BMPR2: variants seen among roughly 807,000 people sequenced by gnomAD.
BMPR2 encodes bone morphogenetic protein receptor type-2.
A neutral mutation model predicts 100.8 loss-of-function variants in BMPR2; 29 were observed. That is an observed-to-expected ratio of 0.29 (90% CI 0.21 to 0.39). The LOEUF (loss-of-function observed/expected upper bound fraction) is 0.39. Ranked by LOEUF, BMPR2 falls within the 10% of genes least tolerant of loss-of-function variation. The pLI, the probability that BMPR2 is intolerant of heterozygous loss-of-function variation, is 1.00. For synonymous variants in BMPR2, 382 were observed against 442.3 expected (o/e 0.86, Z 1.71); for missense variants, 1,011 against 1,274.5 (o/e 0.79, Z 3.15).
intron 1 of BMPR2, among the ~76,000 whole-genome samples, chr2:202,440,372 C>T (rs1033605442): frequency 9.5e-5 from 14 of 147,768 alleles, no homozygotes; most frequent in Admixed American, 2.7e-4. Context: ...CCAGACGGGG[C>T]GGCGGGGCAG....
chr2:202,478,662 A>G (rs936900835), intron 3 of BMPR2, among the ~76,000 whole-genome samples: 1 of 152,202 alleles, frequency 6.6e-6, no homozygotes, highest in African/African-American at 2.4e-5. Context: ...TAATCCCAGC[A>G]TTTTGAGAGC....
At chr2:202,558,105 G>A (rs1019999662) in intron 12 of BMPR2, among the ~76,000 whole-genome samples, 4 of 151,960 alleles carry the variant, frequency 2.6e-5, no homozygotes, top group Non-Finnish European at 5.9e-5. Context: ...GGTCACTTGA[G>A]GCCAGGAGTT....
intron 1 of BMPR2, among the ~76,000 whole-genome samples, chr2:202,453,504 T>G (rs1248602071): frequency 6.6e-6 from 1 of 152,190 alleles, no homozygotes; most frequent in African/African-American, 2.4e-5. Flanking sequence ...ATTCTGTTAT[T>G]TGCAACAACA....
chr2:202,392,110 CCCCA>C (rs1690562832), intron 1 of BMPR2, among the ~76,000 whole-genome samples: 1 of 150,878 alleles, frequency 6.6e-6, no homozygotes, highest in Non-Finnish European at 1.5e-5. Context: ...CGCTCTCGTC[CCCCA>C]GGCTTGAGTA....
intron 9 of BMPR2, among the ~76,000 whole-genome samples, chr2:202,541,811 A>ATTCAT (rs1440418157): frequency 6.6e-6 from 1 of 152,218 alleles, no homozygotes; most frequent in Admixed American, 6.5e-5. Flanking sequence ...TAAGCAAAAC[A>ATTCAT]TTCATTAATA....
rs56708616 is a variant in BMPR2 at position 202,393,882 on chromosome 2, C to CGAGAGAGAGAGAGAGAGAGAGAGA, written c.76+16361_76+16384dup. On this transcript the variant is annotated intron_variant, in intron 1 of 12. Transcript: ENST00000374580. ...GCATCTAATTAAGGTAATGAGAGAG[C>CGAGAGAGAGAGAGAGAGAGAGAGA]GAGAGAGAGAGAGAGAGAGAGAGAG... is the stretch of plus-strand genomic sequence containing the variant. Among the ~76,000 whole-genome samples, 18 of 97,928 alleles carry CGAGAGAGAGAGAGAGAGAGAGAGA rather than the reference C, an allele frequency of 1.8e-4. 1 individual carries two copies. Among genetic ancestry groups the CGAGAGAGAGAGAGAGAGAGAGAGA allele is most frequent in the East Asian group, 4.3e-4 (1 of 2,318 alleles). 64.2% of individuals were successfully genotyped at this position (97,928 alleles called of 152,430 possible).
rs375624016 is a variant in BMPR2, at chr2:202,376,511, AGGCGGCGGC to A, written c.-936_-928del. The stretch of plus-strand genomic sequence containing the variant: ...AGGAGCCCAGAGCTGCGGGAGAACG[AGGCGGCGGC>A]GGCGGCGGCGGCGGCGGCGGCGGCG... On this transcript the variant is annotated 5_prime_UTR_variant, in exon 1 of 13. Coordinates refer to ENST00000374580, the MANE Select transcript of BMPR2 (RefSeq NM_001204.7). Among the ~76,000 whole-genome samples the A allele has an allele frequency of 8.3e-3, 1,049 of 125,852 alleles. 11 individuals carry two copies. The highest frequency in any genetic ancestry group is 0.015 in the African/African-American group (503 of 34,012). The allele number at this position is 125,852 out of a possible 152,430, so 82.6% of individuals were successfully genotyped here. A position where few individuals can be genotyped will look rare whatever the true frequency, so the allele number is the denominator to read the frequency against.
At chr2:202,422,569 G>A (rs1691288860) in intron 1 of BMPR2, among the ~76,000 whole-genome samples, 1 of 152,106 alleles carries the variant, frequency 6.6e-6, no homozygotes, top group Non-Finnish European at 1.5e-5. Context: ...GCCTCCCAAA[G>A]TTCTGGGATT....
intron 1 of BMPR2, among the ~76,000 whole-genome samples, chr2:202,427,972 C>G (rs1173761661): frequency 6.6e-6 from 1 of 152,128 alleles, no homozygotes; most frequent in Non-Finnish European, 1.5e-5. Context: ...GAGTGAGATC[C>G]TGTCTTCACA....
At chr2:202,511,566 G>A (rs920751444) in intron 3 of BMPR2, among the ~76,000 whole-genome samples, 2 of 150,810 alleles carry the variant, frequency 1.3e-5, no homozygotes, top group Non-Finnish European at 3.0e-5. Flanking sequence ...ATCCTTGCCA[G>A]CGCTTTTTAT....
rs990737544 is a variant in BMPR2 at position 202,440,163 on chromosome 2, C to G, written c.77-24646C>G. ...ACAATCTGATCTCTCTTTCTTTTCC[C>G]CACATTTCCCCCTTTCCTATTCGAC... On this transcript the variant is annotated intron_variant, in intron 1 of 12. Coordinates refer to ENST00000374580, the MANE Select transcript of BMPR2 (RefSeq NM_001204.7). Among the ~76,000 whole-genome samples, 5 of 150,818 alleles carry G rather than the reference C, an allele frequency of 3.3e-5. 1 individual carries two copies. The highest frequency in any genetic ancestry group is 1.2e-4 in the African/African-American group (5 of 40,080).
chr2:202,410,359 A>G (rs1690988652), intron 1 of BMPR2, among the ~76,000 whole-genome samples: 2 of 152,198 alleles, frequency 1.3e-5, no homozygotes, highest in Admixed American at 1.3e-4. Flanking sequence ...GGACTGAGGC[A>G]GGGAAAATCA....
chr2:202,532,557 T>G lies in BMPR2; in HGVS notation c.1129-28T>G. 6.2e-7 allele frequency: 1 copy of G among 1,611,284 alleles called. No homozygotes were observed. Among genetic ancestry groups the G allele is most frequent in the Non-Finnish European group, 8.5e-7 (1 of 1,177,584 alleles). On this transcript the variant is annotated intron_variant, in intron 8 of 12. Transcript: ENST00000374580. This position sits in a 1 kb window ranked among gnomAD's most constrained non-coding sequence, Gnocchi z 4.1. Reference sequence around the variant, plus strand: ...TCTTCAGAATATGCTACGTTCTCTCTCTAAAAAATATCACTCTAATTTATC... The same window carrying G: ...TCTTCAGAATATGCTACGTTCTCTCGCTAAAAAATATCACTCTAATTTATC...
intron 1 of BMPR2, among the ~76,000 whole-genome samples, chr2:202,396,015 A>T (rs1289750907): frequency 6.6e-6 from 1 of 152,162 alleles, no homozygotes; most frequent in Non-Finnish European, 1.5e-5. Context: ...TGGCCTGATG[A>T]TGGAGATGTT....
intron 3 of BMPR2, among the ~76,000 whole-genome samples, chr2:202,494,927 C>G (rs1369949647): frequency 6.6e-6 from 1 of 152,062 alleles, no homozygotes; most frequent in Admixed American, 6.5e-5. Flanking sequence ...GGGAAAAGTT[C>G]CCTTGTCCTG....
At chr2:202,464,778 A>G in intron 1 of BMPR2, 31 bp from the exon 2 acceptor site, 1 of 1,585,262 alleles carries the variant, frequency 6.3e-7, no homozygotes, top group Non-Finnish European at 8.6e-7. Context: ...ACATTAAATA[A>G]TTTGTCATTC....
At chr2:202,525,376 T>C (rs188111188) in intron 7 of BMPR2, among the ~76,000 whole-genome samples, 36 of 152,162 alleles carry the variant, frequency 2.4e-4, no homozygotes, top group African/African-American at 7.5e-4. Flanking sequence ...TTTGTATTTT[T>C]AGTAGAGGTG....
chr2:202,454,365 C>T (rs1477366804), intron 1 of BMPR2, among the ~76,000 whole-genome samples: 1 of 152,128 alleles, frequency 6.6e-6, no homozygotes, highest in Non-Finnish European at 1.5e-5. Context: ...GCCACTGCAC[C>T]CAGCCCTGAA....
chr2:202,470,740 C>T (rs1002763820), intron 3 of BMPR2, among the ~76,000 whole-genome samples: 7 of 145,048 alleles, frequency 4.8e-5, no homozygotes, highest in Admixed American at 1.4e-4. Context: ...GTCCGCAGTC[C>T]GGCCTGGGCG....
Sources: gnomAD v4.1 joint callset for allele counts (sites outside exome capture counted in the v4.1 genomes callset) on GRCh38, gnomAD v4.1.1 for gene constraint, Gnocchi (gnomAD v3.1) non-coding constraint, MANE v1.5 for transcripts, NCBI Gene and HGNC (gene_info 2026-07-23, HGNC 2026-07-21) for gene names.